PCCA: variants seen among roughly 807,000 people sequenced by gnomAD.
PCCA encodes the protein propionyl-CoA carboxylase subunit alpha.
In PCCA, 74 loss-of-function variants were observed where a neutral mutation model predicts 101.3. That is an observed-to-expected ratio of 0.73 (90% CI 0.61 to 0.89). PCCA has a LOEUF of 0.89. Among genes scored for constraint, PCCA ranks in the 40% least tolerant of loss-of-function variants. PCCA has a pLI of 0.00. For synonymous variants in PCCA, 294 were observed against 313.6 expected, an observed-to-expected ratio of 0.94 and a Z score of 0.66; for missense variants, 891 against 907.0, an observed-to-expected ratio of 0.98 and a Z score of 0.23.
At chr13:100,097,140 G>C (rs1260545174) in intron 1 of PCCA, among the ~76,000 whole-genome samples, 1 of 152,180 alleles carries the variant, frequency 6.6e-6, no homozygotes, top group Non-Finnish European at 1.5e-5. Context: ...CTTTTGAAGG[G>C]TAGACACACA....
chr13:100,345,805 T>A (rs1322983541), intron 18 of PCCA, among the ~76,000 whole-genome samples: 1 of 152,150 alleles, frequency 6.6e-6, no homozygotes, highest in Non-Finnish European at 1.5e-5. Context: ...ACTGATGACT[T>A]GAAGTAGAAG....
chr13:100,122,073 AT>A (rs569158179), intron 4 of PCCA, among the ~76,000 whole-genome samples: 13 of 152,046 alleles, frequency 8.6e-5, no homozygotes, highest in African/African-American at 2.9e-4. Flanking sequence ...CAGGTGTTGC[AT>A]TTTTTCAAAT....
At chr13:100,441,348 A>G (rs1231135355) in intron 20 of PCCA, among the ~76,000 whole-genome samples, 1 of 152,202 alleles carries the variant, frequency 6.6e-6, no homozygotes, top group Non-Finnish European at 1.5e-5. Context: ...CAGTGAGGGG[A>G]AAAAGAAAAC....
intron 6 of PCCA, among the ~76,000 whole-genome samples, chr13:100,195,985 A>G (rs531208387): frequency 6.6e-6 from 1 of 152,316 alleles, no homozygotes; most frequent in East Asian, 1.9e-4. Context: ...GAAAAAATCA[A>G]ATATGCACAA....
At chr13:100,147,010 T>TAAA (rs36028025) in intron 4 of PCCA, among the ~76,000 whole-genome samples, 3 of 141,012 alleles carry the variant, frequency 2.1e-5, no homozygotes, top group Non-Finnish European at 3.1e-5. Flanking sequence ...GGTAGAATTC[T>TAAA]AAAAAAAAAA....
intron 18 of PCCA, among the ~76,000 whole-genome samples, chr13:100,356,036 A>C (rs766271170): frequency 6.6e-6 from 1 of 152,122 alleles, no homozygotes; most frequent in Non-Finnish European, 1.5e-5. Flanking sequence ...CTTTTCAGTA[A>C]ATTCTGCTTG....
At chr13:100,355,082 C>G (rs946522544) in intron 18 of PCCA, among the ~76,000 whole-genome samples, 1 of 152,048 alleles carries the variant, frequency 6.6e-6, no homozygotes, top group African/African-American at 2.4e-5. Context: ...CAAACTGAAT[C>G]CAAGAATATA....
intron 6 of PCCA, among the ~76,000 whole-genome samples, chr13:100,189,062 G>C (rs1458193226): frequency 6.6e-6 from 1 of 151,794 alleles, no homozygotes; most frequent in East Asian, 1.9e-4. Context: ...GACAGGCCCC[G>C]GTGTGTGATG....
At chr13:100,117,766 G>GTATA (rs757074033) in intron 4 of PCCA, among the ~76,000 whole-genome samples, 1 of 150,734 alleles carries the variant, frequency 6.6e-6, no homozygotes, top group Non-Finnish European at 1.5e-5. Context: ...AGAACTTAAA[G>GTATA]TATATATATA....
chr13:100,462,419 C>G (rs776081926), intron 21 of PCCA, among the ~76,000 whole-genome samples: 1 of 152,170 alleles, frequency 6.6e-6, no homozygotes, highest in Non-Finnish European at 1.5e-5. Flanking sequence ...ATGACTTGGT[C>G]CCTACCCTTA....
At chr13:100,342,778 G>A (rs1036041224) in intron 18 of PCCA, among the ~76,000 whole-genome samples, 14 of 81,818 alleles carry the variant, frequency 1.7e-4, no homozygotes, top group African/African-American at 6.1e-4. Context: ...CTGAAGTGTA[G>A]TGGCACAGTC....
intron 21 of PCCA, among the ~76,000 whole-genome samples, chr13:100,501,941 C>T (rs2085714411): frequency 6.6e-6 from 1 of 151,632 alleles, no homozygotes. Flanking sequence ...AGGTGGGGGG[C>T]CTAGCGGTCT....
At chr13:100,169,146 A>T (rs1175342860) in intron 6 of PCCA, among the ~76,000 whole-genome samples, 2 of 152,128 alleles carry the variant, frequency 1.3e-5, no homozygotes, top group South Asian at 2.1e-4. Context: ...TGTTTTAAAA[A>T]TTTCCCTTAA....
intron 19 of PCCA, among the ~76,000 whole-genome samples, chr13:100,378,331 C>T: frequency 6.6e-6 from 1 of 152,112 alleles, no homozygotes; most frequent in South Asian, 2.1e-4. Context: ...TTATAGATGA[C>T]TAGATACTTT....
chr13:100,257,593 A>G lies in PCCA; in HGVS notation c.638-2A>G. The G allele has an allele frequency of 1.9e-6, 3 of 1,611,534 alleles. No homozygotes were observed. Among genetic ancestry groups the G allele is most frequent in the Non-Finnish European group, 2.5e-6 (3 of 1,178,100 alleles). On this transcript the variant is annotated splice_acceptor_variant, in intron 8 of 23. Coordinates refer to ENST00000376285, the MANE Select transcript of PCCA (RefSeq NM_000282.4). LOFTEE classifies it high-confidence loss of function. The stretch of plus-strand genomic sequence containing the variant: ...TTCTGTCTAATTCTTCCCTGCTGTT[A>G]GGCTACCCTGTCATGATCAAGGCCT...
intron 21 of PCCA, chr13:100,473,084 T>G (rs2083142964): frequency 6.6e-6 from 1 of 152,142 alleles, no homozygotes; most frequent in South Asian, 2.1e-4. Flanking sequence ...CCATCTAGAA[T>G]GGAATAATTA....
intron 4 of PCCA, among the ~76,000 whole-genome samples, chr13:100,114,694 T>C (rs1373160387): frequency 6.6e-6 from 1 of 152,208 alleles, no homozygotes; most frequent in Non-Finnish European, 1.5e-5. Context: ...TCGACATTAC[T>C]GATCATTACG....
Position 100,210,659 on chromosome 13 carries a change from T to C in PCCA, c.600+1196T>C, listed in dbSNP as rs538539831. Among the ~76,000 whole-genome samples the C allele has an allele frequency of 2.9e-4, 44 of 152,328 alleles. 1 individual carries two copies. Among genetic ancestry groups the C allele is most frequent in the South Asian group, 4.1e-4 (2 of 4,824 alleles). ...CTTCTCCTTTTCCCATGAGAAATTA[T>C]TCTGTTTTTTTCTAGTTAGAAGAGA... On this transcript the variant is annotated intron_variant, in intron 7 of 23. Transcript: ENST00000376285.
intron 17 of PCCA, among the ~76,000 whole-genome samples, chr13:100,331,982 C>T (rs1219607638): frequency 7.6e-6 from 1 of 131,770 alleles, no homozygotes; most frequent in African/African-American, 2.8e-5. Flanking sequence ...CTCTTTTGCC[C>T]AGGCTGGAGT....
Sources: gnomAD v4.1 joint callset for allele counts (sites outside exome capture counted in the v4.1 genomes callset) on GRCh38, gnomAD v4.1.1 for gene constraint, MANE v1.5 for transcripts, NCBI Gene and HGNC (gene_info 2026-07-23, HGNC 2026-07-21) for gene names.